Variants in ARHGAP32 observed in about 807,000 individuals in gnomAD.
ARHGAP32 encodes the protein rho GTPase-activating protein 32.
ARHGAP32 carries 51 observed loss-of-function variants against 186.5 expected under a neutral mutation model. That is an observed-to-expected ratio of 0.27 (90% CI 0.22 to 0.35). The LOEUF (loss-of-function observed/expected upper bound fraction) is 0.35. Among genes scored for constraint, ARHGAP32 ranks in the 10% least tolerant of loss-of-function variants. ARHGAP32 has a pLI of 1.00. For synonymous variants in ARHGAP32, 950 were observed against 964.3 expected, an observed-to-expected ratio of 0.99 and a Z score of 0.27; for missense variants, 2,186 against 2,623.5, an observed-to-expected ratio of 0.83 and a Z score of 3.64.
intron 1 of ARHGAP32, among the ~76,000 whole-genome samples, chr11:129,189,788 A>G (rs1252322966): frequency 6.6e-6 from 1 of 152,198 alleles, no homozygotes; most frequent in Non-Finnish European, 1.5e-5. Flanking sequence ...GCTATTTCAA[A>G]AGCTACTGGA....
At chr11:128,978,523 A>G (rs1485112339) in intron 19 of ARHGAP32, among the ~76,000 whole-genome samples, 2 of 152,308 alleles carry the variant, frequency 1.3e-5, no homozygotes, top group African/African-American at 2.4e-5. Flanking sequence ...ATTTAATCAC[A>G]TTTACACTAT....
chr11:129,185,741 G>A (rs1410077366), intron 1 of ARHGAP32, among the ~76,000 whole-genome samples: 4 of 152,134 alleles, frequency 2.6e-5, no homozygotes, highest in Middle Eastern at 3.4e-3. Context: ...GGAAGTTAAA[G>A]TTTCCTAAAG....
chr11:128,979,926 G>C (rs757755410), intron 18 of ARHGAP32, among the ~76,000 whole-genome samples: 2 of 152,166 alleles, frequency 1.3e-5, no homozygotes, highest in African/African-American at 2.4e-5. Context: ...AGCTGGAAGG[G>C]ACATTGAAAG....
intron 11 of ARHGAP32, among the ~76,000 whole-genome samples, chr11:129,026,801 G>C (rs370312809): frequency 9.1e-6 from 1 of 109,356 alleles, no homozygotes. Context: ...CTCCATCTTG[G>C]AAAAAAAAAA....
intron 6 of ARHGAP32, among the ~76,000 whole-genome samples, chr11:129,079,029 C>T (rs1229573886): frequency 6.6e-6 from 1 of 151,872 alleles, no homozygotes; most frequent in Non-Finnish European, 1.5e-5. Context: ...AACCCAAAGA[C>T]AAGGCTTTCA....
chr11:129,205,118 T>C (rs1278706924), intron 1 of ARHGAP32, among the ~76,000 whole-genome samples: 4 of 152,208 alleles, frequency 2.6e-5, no homozygotes, highest in African/African-American at 2.4e-5. Context: ...TGTTTAAATT[T>C]GAATGATGCA....
At chr11:129,183,459 A>G (rs1944096080) in intron 1 of ARHGAP32, among the ~76,000 whole-genome samples, 2 of 152,092 alleles carry the variant, frequency 1.3e-5, no homozygotes, top group Admixed American at 6.6e-5. Flanking sequence ...ATATTCTTCA[A>G]TTGTTCCAAA....
chr11:129,121,318 AC>A (rs1273069501), intron 5 of ARHGAP32, among the ~76,000 whole-genome samples: 1 of 152,128 alleles, frequency 6.6e-6, no homozygotes, highest in Admixed American at 6.6e-5. Context: ...CTTTTGCTAC[AC>A]AACTTAGTTA....
At chr11:129,037,314 C>T (rs1053362115) in intron 11 of ARHGAP32, among the ~76,000 whole-genome samples, 6 of 150,408 alleles carry the variant, frequency 4.0e-5, no homozygotes, top group Non-Finnish European at 5.9e-5. Flanking sequence ...CTATGCAACA[C>T]AGTGAGACAT....
upstream of ARHGAP32, among the ~76,000 whole-genome samples, chr11:129,197,291 T>C (rs1472507878): frequency 6.6e-6 from 1 of 152,158 alleles, no homozygotes; most frequent in Non-Finnish European, 1.5e-5. Context: ...CATGGCTGAA[T>C]GCAGTATACA....
chr11:129,025,675 A>G (rs1938807571), intron 11 of ARHGAP32, among the ~76,000 whole-genome samples: 2 of 152,006 alleles, frequency 1.3e-5, no homozygotes, highest in South Asian at 4.2e-4. Flanking sequence ...AAAGAGAAAG[A>G]AGAGAAGGAG....
intron 1 of ARHGAP32, among the ~76,000 whole-genome samples, chr11:129,236,387 C>T (rs564575322): frequency 6.6e-6 from 1 of 152,190 alleles, no homozygotes; most frequent in Admixed American, 6.6e-5. Flanking sequence ...ACTGTCTATC[C>T]ATGTCCTTAG....
chr11:129,122,317 T>C (rs547177911), intron 5 of ARHGAP32, among the ~76,000 whole-genome samples: 1 of 152,018 alleles, frequency 6.6e-6, no homozygotes, highest in East Asian at 1.9e-4. Context: ...AAAGAGTTCA[T>C]TCAACCTTGT....
intron 6 of ARHGAP32, among the ~76,000 whole-genome samples, chr11:129,082,803 C>T (rs1185117110): frequency 6.6e-6 from 1 of 151,742 alleles, no homozygotes; most frequent in Non-Finnish European, 1.5e-5. Flanking sequence ...CAGAGTGAGA[C>T]AAAATCTCCA....
chr11:129,103,415 T>C (rs923789111), intron 5 of ARHGAP32, among the ~76,000 whole-genome samples: 2 of 72,386 alleles, frequency 2.8e-5, no homozygotes, highest in Non-Finnish European at 5.6e-5. Flanking sequence ...CCTAAGAGAA[T>C]GTCAAACACA....
chr11:129,084,018 A>C (rs1941303915), intron 6 of ARHGAP32, among the ~76,000 whole-genome samples: 1 of 117,504 alleles, frequency 8.5e-6, no homozygotes, highest in African/African-American at 2.8e-5. Flanking sequence ...AAGGACAATA[A>C]AAAATATTAG....
intron 5 of ARHGAP32, among the ~76,000 whole-genome samples, chr11:129,101,008 C>A (rs2135299795): frequency 6.6e-6 from 1 of 152,254 alleles, no homozygotes; most frequent in South Asian, 2.1e-4. Context: ...TAGTGACCAG[C>A]AGTCCAGGAG....
intron 1 of ARHGAP32, among the ~76,000 whole-genome samples, chr11:129,223,509 T>C (rs887624847): frequency 2.0e-5 from 3 of 152,100 alleles, no homozygotes; most frequent in Admixed American, 6.6e-5. Context: ...GGAATGGTAG[T>C]GGGAAAACAG....
intron 5 of ARHGAP32, among the ~76,000 whole-genome samples, chr11:129,096,294 G>T (rs893694077): frequency 1.3e-5 from 2 of 152,076 alleles, no homozygotes; most frequent in Non-Finnish European, 2.9e-5. Flanking sequence ...CAAACAACAC[G>T]CAAAAGCACA....
Sources: allele counts gnomAD v4.1 joint callset (sites outside exome capture counted in the v4.1 genomes callset), GRCh38; gene constraint gnomAD v4.1.1; transcripts MANE v1.5; gene names NCBI Gene and HGNC (gene_info 2026-07-23, HGNC 2026-07-21).